GBE1: variants seen among roughly 807,000 people sequenced by gnomAD.
GBE1 encodes 1,4-alpha-glucan branching enzyme 1.
GBE1 carries 70 observed loss-of-function variants against 88.8 expected under a neutral mutation model. That is an observed-to-expected ratio of 0.79 (90% CI 0.65 to 0.96). GBE1 has a LOEUF of 0.96. GBE1 is among the 40% of genes least tolerant of loss of function. The probability of loss-of-function intolerance (pLI) is 0.00; values close to 1 mark genes in which losing one functional copy is unlikely to be tolerated. For synonymous variants in GBE1, 284 were observed against 300.1 expected (o/e 0.95, Z 0.56); for missense variants, 872 against 871.0 (o/e 1.00, Z -0.01).
intron 2 of GBE1, among the ~76,000 whole-genome samples, chr3:81,674,824 T>C (rs1050555193): frequency 2.6e-5 from 4 of 151,966 alleles, no homozygotes; most frequent in Non-Finnish European, 5.9e-5. Context: ...AATTATGTAA[T>C]GCAAAGAGTT....
At chr3:81,660,290 T>C (rs562767179) in intron 3 of GBE1, among the ~76,000 whole-genome samples, 37 of 152,270 alleles carry the variant, frequency 2.4e-4, no homozygotes, top group African/African-American at 8.9e-4. Context: ...GAAGAAACAG[T>C]GGTAAATAAT....
intron 14 of GBE1, among the ~76,000 whole-genome samples, chr3:81,516,698 T>C (rs983181401): frequency 2.0e-5 from 3 of 151,454 alleles, no homozygotes. Context: ...TTAAGAACAT[T>C]TGTGATTCAT....
At chr3:81,668,589 C>G (rs1173166262) in intron 3 of GBE1, among the ~76,000 whole-genome samples, 1 of 151,890 alleles carries the variant, frequency 6.6e-6, no homozygotes, top group Admixed American at 6.6e-5. Flanking sequence ...CTTGAGCTAA[C>G]AAAGCAAAAA....
intron 15 of GBE1, among the ~76,000 whole-genome samples, chr3:81,490,839 T>G (rs1702427085): frequency 6.6e-6 from 1 of 152,074 alleles, no homozygotes; most frequent in Admixed American, 6.6e-5. Context: ...GCACTGGTTT[T>G]CCATCAAGAC....
intron 9 of GBE1, among the ~76,000 whole-genome samples, chr3:81,588,834 G>A (rs566538947): frequency 3.9e-5 from 6 of 152,004 alleles, no homozygotes; most frequent in African/African-American, 9.7e-5. Context: ...CTTCTTCTAC[G>A]GCAATAATCA....
intron 1 of GBE1, among the ~76,000 whole-genome samples, chr3:81,711,363 G>A (rs184010780): frequency 6.6e-6 from 1 of 152,288 alleles, no homozygotes; most frequent in Non-Finnish European, 1.5e-5. Context: ...AGCTCAAAAG[G>A]GGGAAAATAG....
chr3:81,706,257 A>T (rs1433027468), intron 1 of GBE1, among the ~76,000 whole-genome samples: 1 of 152,174 alleles, frequency 6.6e-6, no homozygotes, highest in Non-Finnish European at 1.5e-5. Flanking sequence ...GCAACTAAGC[A>T]TGTCAAGAAC....
intron 1 of GBE1, among the ~76,000 whole-genome samples, chr3:81,756,521 A>AC (rs1706604073): frequency 6.6e-6 from 1 of 152,206 alleles, no homozygotes; most frequent in South Asian, 2.1e-4. Flanking sequence ...TAGACATAGT[A>AC]CCCACTTATG....
intron 1 of GBE1, among the ~76,000 whole-genome samples, chr3:81,741,034 T>C (rs1480359771): frequency 6.6e-6 from 1 of 152,200 alleles, no homozygotes; most frequent in African/African-American, 2.4e-5. Context: ...TGGCTATTTA[T>C]GGCTTATTCA....
intron 12 of GBE1, among the ~76,000 whole-genome samples, chr3:81,573,938 G>C (rs933058797): frequency 2.0e-5 from 3 of 152,030 alleles, no homozygotes; most frequent in Non-Finnish European, 4.4e-5. Context: ...TATGATATTG[G>C]CTTATCCCAA....
chr3:81,744,547 G>A (rs1034983602), intron 1 of GBE1, among the ~76,000 whole-genome samples: 3 of 152,050 alleles, frequency 2.0e-5, no homozygotes, highest in Non-Finnish European at 2.9e-5. Flanking sequence ...GACTCACTCA[G>A]GAATGCAGCC....
Position 81,545,288 on chromosome 3 carries a change from T to C in GBE1, c.1619-8193A>G, listed in dbSNP as rs529136299. The stretch of plus-strand genomic sequence containing the variant: ...CCTTTGATACTAATCAGTGTGGTTA[T>C]GGGAAGGGGCCACATCTAATGTTTC... On this transcript the variant is annotated intron_variant, in intron 12 of 15. Transcript: ENST00000429644. Among the ~76,000 whole-genome samples the C allele has an allele frequency of 2.0e-5, 3 of 152,142 alleles. No individual in the cohort carries two copies. The South Asian group carries it at 6.2e-4, about 31-fold the overall frequency.
chr3:81,658,544 T>G (rs73853457), intron 3 of GBE1, among the ~76,000 whole-genome samples: 136 of 152,270 alleles, frequency 8.9e-4, no homozygotes, highest in African/African-American at 3.2e-3. Context: ...TAGAATGATT[T>G]AGAGAGACAG....
At chr3:81,695,619 A>C (rs1705579643) in intron 2 of GBE1, among the ~76,000 whole-genome samples, 1 of 152,246 alleles carries the variant, frequency 6.6e-6, no homozygotes, top group African/African-American at 2.4e-5. Flanking sequence ...TGAAGTGTGT[A>C]CTTTAAAGAA....
chr3:81,542,957 C>T (rs1703160569), intron 12 of GBE1, among the ~76,000 whole-genome samples: 1 of 151,992 alleles, frequency 6.6e-6, no homozygotes, highest in Non-Finnish European at 1.5e-5. Flanking sequence ...AAAAAGCACA[C>T]AAAATATTTG....
At chr3:81,687,951 T>C (rs1254330002) in intron 2 of GBE1, among the ~76,000 whole-genome samples, 1 of 152,176 alleles carries the variant, frequency 6.6e-6, no homozygotes, top group African/African-American at 2.4e-5. Context: ...ACAATAAAGT[T>C]TGATAATGCT....
intron 7 of GBE1, among the ~76,000 whole-genome samples, chr3:81,614,536 G>C (rs551593285): frequency 7.2e-5 from 11 of 152,224 alleles, no homozygotes; most frequent in Admixed American, 5.9e-4. Context: ...TATTGCTTGA[G>C]CCCAGGAATT....
intron 14 of GBE1, among the ~76,000 whole-genome samples, chr3:81,506,714 T>G (rs1702659355): frequency 6.6e-6 from 1 of 152,144 alleles, no homozygotes; most frequent in Admixed American, 6.6e-5. Context: ...GTGGTACACA[T>G]ACACCATGGA....
rs964120096 is a variant in GBE1 at position 81,536,957 on chromosome 3, T to C, written c.1757A>G (p.Asp586Gly). The change falls in exon 13 of 16, where the codon GAT (aspartate) becomes GGT (glycine). Residue 586 changes from aspartate to glycine, a missense_variant. Transcript: ENST00000429644. ...ATATCTTTCTTCCAATCTATTCATATCCCTGTCAAAATTATTTAGGAACTT... is the reference window on the plus strand; with the variant it reads ...ATATCTTTCTTCCAATCTATTCATACCCCTGTCAAAATTATTTAGGAACTT... ...RYKFLNNFDR[D>G]MNRLEERYGW... The C allele has an allele frequency of 1.2e-5, 19 of 1,590,580 alleles. No individual in the cohort carries two copies. The highest frequency in any genetic ancestry group is 1.5e-5 in the Non-Finnish European group (17 of 1,169,932).
Sources: allele counts gnomAD v4.1 joint callset (sites outside exome capture counted in the v4.1 genomes callset), GRCh38; gene constraint gnomAD v4.1.1; transcripts MANE v1.5; gene names NCBI Gene and HGNC (gene_info 2026-07-23, HGNC 2026-07-21).